Variants in RBFOX1 observed in about 807,000 individuals in gnomAD.
RBFOX1 encodes the protein RNA binding protein fox-1 homolog 1.
A neutral mutation model predicts 57.7 loss-of-function variants in RBFOX1; 8 were observed. The ratio of observed to expected loss-of-function variants is 0.14; its 90% CI spans 0.08 to 0.25. RBFOX1 has a LOEUF of 0.25. Among genes scored for constraint, RBFOX1 ranks in the 10% least tolerant of loss-of-function variants. The pLI is 1.00. For missense variants in RBFOX1, 611 were observed against 548.5 expected (o/e 1.11, Z -1.14); for synonymous variants, 326 against 222.4 (o/e 1.47, Z -4.15).
At chr16:6,817,532 TAAAA>T (rs71145302) in intron 3 of RBFOX1, among the ~76,000 whole-genome samples, 60 of 127,574 alleles carry the variant, frequency 4.7e-4, no homozygotes, top group Admixed American at 1.2e-3. Flanking sequence ...TTTCTTTGCT[TAAAA>T]AAAAAAAAAA....
chr16:6,205,455 C>G (rs575407340), intron 1 of RBFOX1, among the ~76,000 whole-genome samples: 1 of 152,282 alleles, frequency 6.6e-6, no homozygotes, highest in African/African-American at 2.4e-5. Context: ...GGGAAGCACA[C>G]TTCTTCTCTG....
At chr16:6,878,898 T>C (rs1232107570) in intron 3 of RBFOX1, among the ~76,000 whole-genome samples, 2 of 152,168 alleles carry the variant, frequency 1.3e-5, no homozygotes, top group Non-Finnish European at 2.9e-5. Flanking sequence ...CCCAGTACCA[T>C]CTTCAAGTTA....
chr16:5,300,593 T>A (rs879774018), intron 1 of RBFOX1, among the ~76,000 whole-genome samples: 100 of 152,204 alleles, frequency 6.6e-4, no homozygotes, highest in Non-Finnish European at 1.0e-3. Flanking sequence ...ATTTATTTTT[T>A]AAAGATTTGA....
At chr16:6,903,306 C>G (rs1031598302) in intron 3 of RBFOX1, among the ~76,000 whole-genome samples, 1 of 152,138 alleles carries the variant, frequency 6.6e-6, no homozygotes. Flanking sequence ...CTAGAGAGGT[C>G]AGCAGCCCTT....
intron 14 of RBFOX1, among the ~76,000 whole-genome samples, chr16:7,689,806 C>T (rs562306928): frequency 1.2e-4 from 19 of 152,106 alleles, no homozygotes; most frequent in African/African-American, 4.6e-4. Context: ...AACTCAAATA[C>T]CAAGAGTATG....
intron 4 of RBFOX1, among the ~76,000 whole-genome samples, chr16:5,967,072 C>T (rs2059860659): frequency 6.7e-6 from 1 of 149,946 alleles, no homozygotes; most frequent in Admixed American, 6.7e-5. Context: ...CAGCCATGAC[C>T]GCTCATTTAT....
intron 14 of RBFOX1, among the ~76,000 whole-genome samples, chr16:7,705,335 T>C (rs929805031): frequency 2.6e-5 from 4 of 151,954 alleles, no homozygotes; most frequent in Admixed American, 6.6e-5. Context: ...TGAAGCCCCA[T>C]ATCTACTAAA....
chr16:7,654,062 C>G, intron 12 of RBFOX1, 115 bp downstream of exon 12: 5 of 1,134,414 alleles, frequency 4.4e-6, no homozygotes, highest in Non-Finnish European at 6.0e-6. Flanking sequence ...ACCCCCAGAA[C>G]CGCCCCCAGC....
At chr16:5,441,854 G>A (rs577589931) in intron 1 of RBFOX1, among the ~76,000 whole-genome samples, 11 of 152,176 alleles carry the variant, frequency 7.2e-5, no homozygotes, top group South Asian at 2.1e-4. Flanking sequence ...TCACTATCAC[G>A]AAAAACAGAT....
intron 4 of RBFOX1, among the ~76,000 whole-genome samples, chr16:7,260,619 C>A (rs2094881315): frequency 6.6e-6 from 1 of 152,150 alleles, no homozygotes; most frequent in African/African-American, 2.4e-5. Context: ...ATAACAGAGT[C>A]TGGCTAAAGG....
In RBFOX1 at chr16:6,488,003, A is replaced by G. The variant is rs1405483121; in HGVS notation, c.-63-166600A>G. Among the ~76,000 whole-genome samples, 9 of 152,192 alleles carry G rather than the reference A, an allele frequency of 5.9e-5. No homozygotes were observed. The East Asian group carries it at 1.7e-3, about 29-fold the overall frequency. ...TCACACAAAGAGTGTACACAGACAC[A>G]GATATACACTCAAAAAGCTCATCTC... is the stretch of plus-strand genomic sequence containing the variant. On this transcript the variant is annotated intron_variant, in intron 2 of 15. Transcript: ENST00000550418.
chr16:7,615,275 G>T (rs936632680), intron 10 of RBFOX1, among the ~76,000 whole-genome samples: 1 of 152,144 alleles, frequency 6.6e-6, no homozygotes, highest in South Asian at 2.1e-4. Flanking sequence ...GGAGCTTGCA[G>T]TGAGCTGAGA....
chr16:5,991,678 A>G (rs1426877998), intron 4 of RBFOX1, among the ~76,000 whole-genome samples: 1 of 144,732 alleles, frequency 6.9e-6, no homozygotes, highest in Non-Finnish European at 1.5e-5. Flanking sequence ...TTTTTTTGGA[A>G]GTTCTATAAC....
chr16:6,345,544 C>G (rs953876357), intron 2 of RBFOX1, among the ~76,000 whole-genome samples: 5 of 152,258 alleles, frequency 3.3e-5, no homozygotes, highest in Admixed American at 2.6e-4. Context: ...ATGGGAATCC[C>G]CACATCCAGA....
intron 2 of RBFOX1, among the ~76,000 whole-genome samples, chr16:6,586,732 C>A (rs919190870): frequency 1.3e-5 from 2 of 152,140 alleles, no homozygotes; most frequent in South Asian, 2.1e-4. Flanking sequence ...GCAAAGAGAA[C>A]CTTCTCTTCA....
At chr16:5,961,959 C>G (rs906243376) in intron 4 of RBFOX1, among the ~76,000 whole-genome samples, 1 of 152,178 alleles carries the variant, frequency 6.6e-6, no homozygotes, top group African/African-American at 2.4e-5. Flanking sequence ...AACAGGTAGG[C>G]TTTGATTAGT....
chr16:5,645,295 G>A (rs909087341), intron 3 of RBFOX1, among the ~76,000 whole-genome samples: 1 of 151,430 alleles, frequency 6.6e-6, no homozygotes, highest in Non-Finnish European at 1.5e-5. Flanking sequence ...AACATGCTGA[G>A]TGAAAGAAGC....
At chr16:7,608,372 A>G (rs2056765214) in intron 10 of RBFOX1, among the ~76,000 whole-genome samples, 1 of 152,212 alleles carries the variant, frequency 6.6e-6, no homozygotes. Flanking sequence ...AATCTGGTAA[A>G]TCTGGAAAGG....
At chr16:6,674,251 C>A (rs79071494) in intron 3 of RBFOX1, among the ~76,000 whole-genome samples, 10 of 152,078 alleles carry the variant, frequency 6.6e-5, no homozygotes, top group Non-Finnish European at 1.5e-4. Flanking sequence ...CAGATGTTAT[C>A]AAGTTAAAAT....
Sources: allele counts gnomAD v4.1 joint callset (sites outside exome capture counted in the v4.1 genomes callset), GRCh38; gene constraint gnomAD v4.1.1; transcripts MANE v1.5; gene names NCBI Gene and HGNC (gene_info 2026-07-23, HGNC 2026-07-21).